Variants in SNX24 observed in about 807,000 individuals in gnomAD.
SNX24 encodes the protein sorting nexin 24.
Under a neutral mutation model 28.7 loss-of-function variants are expected in SNX24, and 22 were observed. That is an observed-to-expected ratio of 0.77 (90% CI 0.55 to 1.10). The LOEUF (loss-of-function observed/expected upper bound fraction) is 1.10. Ranked by LOEUF, SNX24 falls within the 50% of genes least tolerant of loss-of-function variation. The pLI is 0.00. For synonymous variants in SNX24, 69 were observed against 71.5 expected, an observed-to-expected ratio of 0.96 and a Z score of 0.18; for missense variants, 221 against 201.1, an observed-to-expected ratio of 1.10 and a Z score of -0.60.
chr5:122,923,277 T>C (rs1020518692), intron 1 of SNX24, among the ~76,000 whole-genome samples: 2 of 151,542 alleles, frequency 1.3e-5, no homozygotes, highest in Admixed American at 6.6e-5. Flanking sequence ...AGCTCAAGGC[T>C]GCCATGAGGT....
chr5:122,988,377 A>G (rs1425675563), intron 3 of SNX24, among the ~76,000 whole-genome samples: 1 of 152,138 alleles, frequency 6.6e-6, no homozygotes, highest in Non-Finnish European at 1.5e-5. Context: ...AAATTAGTAT[A>G]TCTCCCTCAA....
chr5:122,962,170 T>G (rs1760512445), intron 3 of SNX24, among the ~76,000 whole-genome samples: 1 of 152,224 alleles, frequency 6.6e-6, no homozygotes, highest in African/African-American at 2.4e-5. Flanking sequence ...TTTCTCCCAG[T>G]GATTTACATG....
intron 1 of SNX24, among the ~76,000 whole-genome samples, chr5:122,896,146 T>TCAAA (rs919045625): frequency 3.9e-5 from 6 of 152,234 alleles, no homozygotes; most frequent in East Asian, 3.8e-4. Flanking sequence ...AGGCTCCATC[T>TCAAA]CAAACAAACA....
In SNX24 at chr5:123,025,885, C is replaced by T. The variant is rs755709937; in HGVS notation, n.384-3353C>T. The T allele has an allele frequency of 3.7e-6, 6 of 1,614,048 alleles. No individual in the cohort carries two copies. The highest frequency in any genetic ancestry group is 4.5e-5 in the East Asian group (2 of 44,868). ...TGAGAGCCATTGGTGTCAGGCCCAGCGTTGGCCATGCTGACCCACCCAATG... is the reference window on the plus strand; with the variant it reads ...TGAGAGCCATTGGTGTCAGGCCCAGTGTTGGCCATGCTGACCCACCCAATG... On this transcript the variant is annotated intron_variant and non_coding_transcript_variant, in intron 5 of 5. Transcript: ENST00000502387.
intron 2 of SNX24, among the ~76,000 whole-genome samples, chr5:122,943,168 C>A (rs1759534786): frequency 6.6e-6 from 1 of 151,608 alleles, no homozygotes. Flanking sequence ...ATTCTAAATT[C>A]CCCTCCTTCT....
At chr5:122,987,747 C>G (rs550717226) in intron 3 of SNX24, among the ~76,000 whole-genome samples, 2 of 152,056 alleles carry the variant, frequency 1.3e-5, no homozygotes, top group Non-Finnish European at 2.9e-5. Context: ...TTGGAAGTCT[C>G]GCCAATAGTA....
intron 4 of SNX24, among the ~76,000 whole-genome samples, chr5:123,000,850 G>A (rs1256786999): frequency 6.6e-6 from 1 of 152,136 alleles, no homozygotes; most frequent in Non-Finnish European, 1.5e-5. Context: ...CTTGCTGCCT[G>A]AAGGAACCAC....
At chr5:122,939,996 C>CTTT (rs11419088) in intron 2 of SNX24, among the ~76,000 whole-genome samples, 1 of 147,686 alleles carries the variant, frequency 6.8e-6, no homozygotes, top group Non-Finnish European at 1.5e-5. Flanking sequence ...TTTTCATTTT[C>CTTT]TTTTTTTTTT....
chr5:122,868,671 C>CT (rs1162628098), intron 1 of SNX24, among the ~76,000 whole-genome samples: 1 of 152,102 alleles, frequency 6.6e-6, no homozygotes, highest in Non-Finnish European at 1.5e-5. Context: ...AAACTAGAAT[C>CT]TTTTCAAGTC....
At chr5:122,887,717 T>C (rs1756778522) in intron 1 of SNX24, among the ~76,000 whole-genome samples, 1 of 152,232 alleles carries the variant, frequency 6.6e-6, no homozygotes, top group Non-Finnish European at 1.5e-5. Context: ...GTATTTTTTC[T>C]TTGAGATGGA....
chr5:122,853,932 A>T (rs1755052010), intron 1 of SNX24, among the ~76,000 whole-genome samples: 1 of 152,216 alleles, frequency 6.6e-6, no homozygotes. Flanking sequence ...TGTATTTTGT[A>T]TTTTTAAGAA....
chr5:122,940,222 G>A (rs1212353700), intron 2 of SNX24, among the ~76,000 whole-genome samples: 1 of 152,068 alleles, frequency 6.6e-6, no homozygotes, highest in East Asian at 1.9e-4. Flanking sequence ...TCGAACTCCT[G>A]ACCTCAGGTG....
intron 1 of SNX24, among the ~76,000 whole-genome samples, chr5:122,886,843 T>A (rs1756741462): frequency 6.6e-6 from 1 of 151,076 alleles, no homozygotes; most frequent in South Asian, 2.1e-4. Flanking sequence ...AAAAAAAAAA[T>A]TATTCATTAT....
chr5:122,892,774 T>C (rs530801688), intron 1 of SNX24, among the ~76,000 whole-genome samples: 37 of 150,986 alleles, frequency 2.5e-4, no homozygotes, highest in Non-Finnish European at 4.3e-4. Context: ...TTAATTAATT[T>C]TTATTTTTTT....
chr5:123,001,034 G>T (rs1467144984), intron 4 of SNX24, among the ~76,000 whole-genome samples: 8 of 152,200 alleles, frequency 5.3e-5, no homozygotes, highest in Non-Finnish European at 1.0e-4. Flanking sequence ...ATACTGTGTT[G>T]TCAGTGTGTT....
intron 2 of SNX24, among the ~76,000 whole-genome samples, chr5:122,940,505 C>T (rs889631677): frequency 6.6e-6 from 1 of 152,148 alleles, no homozygotes; most frequent in Admixed American, 6.5e-5. Context: ...GGCTAATAAT[C>T]TTAAACCTTG....
chr5:122,950,186 TAAAG>T (rs1759878105), intron 3 of SNX24, among the ~76,000 whole-genome samples: 1 of 152,182 alleles, frequency 6.6e-6, no homozygotes, highest in Non-Finnish European at 1.5e-5. Context: ...CTATGCCAAA[TAAAG>T]AGTTTTCTGT....
chr5:122,905,769 A>C, intron 1 of SNX24, among the ~76,000 whole-genome samples: 1 of 152,174 alleles, frequency 6.6e-6, no homozygotes, highest in East Asian at 1.9e-4. Context: ...GTAGGTTTAT[A>C]ATTACAGGTT....
intron 3 of SNX24, among the ~76,000 whole-genome samples, chr5:122,964,293 G>T (rs974444072): frequency 2.0e-5 from 3 of 148,072 alleles, no homozygotes; most frequent in African/African-American, 7.4e-5. Flanking sequence ...TCTGAATCAG[G>T]GACAGTTTTT....
Sources: allele counts gnomAD v4.1 joint callset (sites outside exome capture counted in the v4.1 genomes callset), GRCh38; gene constraint gnomAD v4.1.1; transcripts MANE v1.5; gene names NCBI Gene and HGNC (gene_info 2026-07-23, HGNC 2026-07-21).